HNRNPA0: variants seen among roughly 807,000 people sequenced by gnomAD.
HNRNPA0 encodes the protein hnRNA binding protein.
For synonymous variants in HNRNPA0, 243 were observed against 195.5 expected, an observed-to-expected ratio of 1.24 and a Z score of -2.03; for missense variants, 252 against 433.7, an observed-to-expected ratio of 0.58 and a Z score of 3.72.
rs765071214 is a variant in HNRNPA0 at position 137,754,095 on chromosome 5, T to C, written c.-29A>G. On this transcript the variant is annotated 5_prime_UTR_variant, in exon 1 of 1. Transcript: ENST00000314940. ...CAAGGCCCGGGCCTTGCCCCCGCCC[T>C]GCGAGCTCCGAGGTTTCGCCGTCGC... 4 of 1,578,466 alleles carry C rather than the reference T, an allele frequency of 2.5e-6. No homozygotes were observed. The highest frequency in any genetic ancestry group is 2.3e-5 in the South Asian group (2 of 87,278).
rs1753506191 is a variant in HNRNPA0 at position 137,751,991 on chromosome 5, T to TGCAATTGTCTTAA, written c.*1145_*1157dup. On this transcript the variant is annotated 3_prime_UTR_variant, in exon 1 of 1. Transcript: ENST00000314940. ...TTGATGGCAAAACTTCCAAATCTGATGCAATTGTCTTAAGCAAGTTTTTAA... is the reference window on the plus strand; with the variant it reads ...TTGATGGCAAAACTTCCAAATCTGATGCAATTGTCTTAAGCAATTGTCTTAAGCAAGTTTTTAA... 1 of 152,582 alleles carries TGCAATTGTCTTAA rather than the reference T, an allele frequency of 6.6e-6. No individual in the cohort carries two copies. The highest frequency in any genetic ancestry group is 2.4e-5 in the African/African-American group (1 of 41,422). The allele number at this position is 152,582 out of a possible 1,614,324, so 9.5% of individuals were successfully genotyped here. A position where few individuals can be genotyped will look rare whatever the true frequency, so the allele number is the denominator to read the frequency against.
rs762328386 is a variant in HNRNPA0, at chr5:137,753,392, G to A, written c.675C>T (p.Gly225=). The change falls in exon 1 of 1, where the codon GGC becomes GGT. Residue 225 remains glycine (G), a synonymous_variant. Coordinates refer to ENST00000314940, the MANE Select transcript of HNRNPA0 (RefSeq NM_006805.4). This position sits in a 1 kb window ranked among gnomAD's most constrained non-coding sequence, Gnocchi z 6.1. ...AGGCATTGTAGCCGCCGCCTCCGCCGCCGCCGTAACCACCGTAGCTGTTGT... is the reference window on the plus strand; with the variant it reads ...AGGCATTGTAGCCGCCGCCTCCGCCACCGCCGTAACCACCGTAGCTGTTGT... ...GGYNSYGGYG[G]GGGGGYNAYG... 3.9e-6 allele frequency: 6 copies of A among 1,547,268 alleles called. No homozygotes were observed. Among genetic ancestry groups the A allele is most frequent in the Non-Finnish European group, 5.2e-6 (6 of 1,145,892 alleles).
In HNRNPA0 at chr5:137,752,846, C is replaced by T; in HGVS notation, c.*303G>A. 7.6e-6 allele frequency: 1 copy of T among 132,448 alleles called. No individual in the cohort carries two copies. The highest frequency in any genetic ancestry group is 1.1e-4 in the Admixed American group (1 of 8,790). 8.2% of individuals were successfully genotyped at this position (132,448 alleles called of 1,614,324 possible). On this transcript the variant is annotated 3_prime_UTR_variant, in exon 1 of 1. Coordinates refer to ENST00000314940, the MANE Select transcript of HNRNPA0 (RefSeq NM_006805.4). ...TCCCCCCAAAAAACACAAATTAAAACAAGACATTTTGCTAGTATAAAAACG... is the reference window on the plus strand; with the variant it reads ...TCCCCCCAAAAAACACAAATTAAAATAAGACATTTTGCTAGTATAAAAACG...
In HNRNPA0 at chr5:137,753,521, A is replaced by C. The variant is rs1753549337; in HGVS notation, c.546T>G (p.Gly182=). ...AGGATCGGGAGCCGCCTCCACCCCC[A>C]CCGGAGTAGATATCCTCCTTGGGGA... ...KAVPKEDIYS[G]GGGGGSRSSR... The change falls in exon 1 of 1, where the codon GGT becomes GGG. Residue 182 remains glycine (G), a synonymous_variant. Coordinates refer to ENST00000314940, the MANE Select transcript of HNRNPA0 (RefSeq NM_006805.4). The surrounding 1 kb of genome is among the most constrained non-coding windows in gnomAD (Gnocchi z 6.1). 4 of 1,608,154 alleles carry C rather than the reference A, an allele frequency of 2.5e-6. No homozygotes were observed. Among genetic ancestry groups the C allele is most frequent in the Non-Finnish European group, 8.5e-7 (1 of 1,177,108 alleles).
rs1279145061 is a variant in HNRNPA0 at position 137,749,303 on chromosome 5, C to T, written c.*3846G>A. 6.6e-6 allele frequency: 1 copy of T among 152,114 alleles called. No homozygotes were observed. Among genetic ancestry groups the T allele is most frequent in the Non-Finnish European group, 1.5e-5 (1 of 67,986 alleles). 9.4% of individuals were successfully genotyped at this position (152,114 alleles called of 1,614,324 possible). On this transcript the variant is annotated 3_prime_UTR_variant, in exon 1 of 1. Coordinates refer to ENST00000314940, the MANE Select transcript of HNRNPA0 (RefSeq NM_006805.4). The stretch of plus-strand genomic sequence containing the variant: ...AGAAGGAAACAGTTAAGAATAACTA[C>T]CAAAGGTGTCTTCCTGAATCCTTTC...
chr5:137,753,854 G>C lies in HNRNPA0; in HGVS notation c.213C>G (p.Ala71=), dbSNP rs1484283401. 1.9e-6 allele frequency: 3 copies of C among 1,612,952 alleles called. No individual in the cohort carries two copies. In the South Asian group the frequency reaches 3.3e-5, roughly 18 times the overall value. Reference sequence around the variant, plus strand: ...TCAGCTCCACAGTGTTGCCGTCCACGGCATGGGGCGAGGCGGCCATGGCGG... The same window carrying C: ...TCAGCTCCACAGTGTTGCCGTCCACCGCATGGGGCGAGGCGGCCATGGCGG... ...ADAAMAASPH[A]VDGNTVELKR... Residue 71 remains alanine (A), a synonymous_variant, in exon 1 of 1, where the codon GCC becomes GCG. Transcript: ENST00000314940. This position sits in a 1 kb window ranked among gnomAD's most constrained non-coding sequence, Gnocchi z 6.1.
rs1193672334 is a variant in HNRNPA0 at position 137,750,118 on chromosome 5, TAC to T, written c.*3029_*3030del. 6.6e-6 allele frequency: 1 copy of T among 152,130 alleles called. No homozygotes were observed. Among genetic ancestry groups the T allele is most frequent in the Non-Finnish European group, 1.5e-5 (1 of 68,004 alleles). 9.4% of individuals were successfully genotyped at this position (152,130 alleles called of 1,614,324 possible). A position where few individuals can be genotyped will look rare whatever the true frequency, so the allele number is the denominator to read the frequency against. ...GCTTTTTAAATGACCTGAAAAACAC[TAC>T]AGATATTCCAATCAAAAAATCTAAA... On this transcript the variant is annotated 3_prime_UTR_variant, in exon 1 of 1. Transcript: ENST00000314940.
In HNRNPA0 at chr5:137,753,069, T is replaced by G. The variant is rs1363495995; in HGVS notation, c.*80A>C. On this transcript the variant is annotated 3_prime_UTR_variant, in exon 1 of 1. Coordinates refer to ENST00000314940, the MANE Select transcript of HNRNPA0 (RefSeq NM_006805.4). This position sits in a 1 kb window ranked among gnomAD's most constrained non-coding sequence, Gnocchi z 6.1. ...AGGGAAGGCGGTGTGTGTGAGGGGG[T>G]GGGGCTTAGGAGTTGACCCCACTTG... 12 of 1,433,548 alleles carry G rather than the reference T, an allele frequency of 8.4e-6. No homozygotes were observed. Among genetic ancestry groups the G allele is most frequent in the Non-Finnish European group, 1.9e-6 (2 of 1,052,224 alleles). The allele number at this position is 1,433,548 out of a possible 1,614,324, so 88.8% of individuals were successfully genotyped here.
rs772116706 is a variant in HNRNPA0, at chr5:137,753,311, G to A, written c.756C>T (p.Phe252=). ...SYGGSDYGNG[F]GGFGSYSQHQ... ...GCTGGCTGTAGCTGCCGAAGCCGCC[G>A]AAGCCGTTACCGTAGTCGCTCCCAC... Residue 252 remains phenylalanine, a synonymous_variant, in exon 1 of 1, where the codon TTC becomes TTT. Coordinates refer to ENST00000314940, the MANE Select transcript of HNRNPA0 (RefSeq NM_006805.4). This position sits in a 1 kb window ranked among gnomAD's most constrained non-coding sequence, Gnocchi z 6.1. 3.8e-6 allele frequency: 6 copies of A among 1,568,814 alleles called. No homozygotes were observed. The highest frequency in any genetic ancestry group is 5.2e-6 in the Non-Finnish European group (6 of 1,157,558).
chr5:137,746,055 A>G lies in HNRNPA0; in HGVS notation c.*7094T>C, dbSNP rs1300471282. On this transcript the variant is annotated 3_prime_UTR_variant, in exon 1 of 1. Transcript: ENST00000314940. ...CCATGCAAGTAGGCCACTCTAAAAG[A>G]TACCAGCCTCAGGCCAGATATAACT... is the stretch of plus-strand genomic sequence containing the variant. 6.6e-6 allele frequency: 1 copy of G among 152,208 alleles called. No homozygotes were observed. The highest frequency in any genetic ancestry group is 1.5e-5 in the Non-Finnish European group (1 of 68,054). 9.4% of individuals were successfully genotyped at this position (152,208 alleles called of 1,614,324 possible). A position where few individuals can be genotyped will look rare whatever the true frequency, so the allele number is the denominator to read the frequency against.
In HNRNPA0 at chr5:137,753,680, A is replaced by T; in HGVS notation, c.387T>A (p.Ile129=). 2.5e-6 allele frequency: 4 copies of T among 1,614,004 alleles called. No homozygotes were observed. Among genetic ancestry groups the T allele is most frequent in the Non-Finnish European group, 3.4e-6 (4 of 1,180,030 alleles). ...SQFGTVEKAE[I]IADKQSGKKR... ...TCTTGCCGGACTGCTTGTCGGCAAT[A>T]ATCTCGGCCTTTTCCACGGTGCCAA... The change falls in exon 1 of 1, where the codon ATT becomes ATA. Residue 129 remains isoleucine, a synonymous_variant. Coordinates refer to ENST00000314940, the MANE Select transcript of HNRNPA0 (RefSeq NM_006805.4). The surrounding 1 kb of genome is among the most constrained non-coding windows in gnomAD (Gnocchi z 6.1).
chr5:137,752,939 G>C lies in HNRNPA0; in HGVS notation c.*210C>G, dbSNP rs989234898. ...ACTGTAACACAAAAATGTGTATGTGGGGCCGAGTCCATCTTCAGAGGGAGA... is the reference window on the plus strand; with the variant it reads ...ACTGTAACACAAAAATGTGTATGTGCGGCCGAGTCCATCTTCAGAGGGAGA... On this transcript the variant is annotated 3_prime_UTR_variant, in exon 1 of 1. Transcript: ENST00000314940. The C allele has an allele frequency of 5.7e-6, 3 of 523,230 alleles. No individual in the cohort carries two copies. The East Asian group carries it at 8.7e-5, about 15-fold the overall frequency. 32.4% of individuals were successfully genotyped at this position (523,230 alleles called of 1,614,324 possible).
Position 137,752,360 on chromosome 5 carries a change from T to C in HNRNPA0, c.*789A>G, listed in dbSNP as rs7875. 0.18 allele frequency: 27,254 copies of C among 152,130 alleles called. 2,626 individuals carry two copies. The highest frequency in any genetic ancestry group is 0.21 in the Non-Finnish European group (14,529 of 67,972). The allele number at this position is 152,130 out of a possible 1,614,324, so 9.4% of individuals were successfully genotyped here. A position where few individuals can be genotyped will look rare whatever the true frequency, so the allele number is the denominator to read the frequency against. Reference sequence around the variant, plus strand: ...CCAACCATGTCAAGATGATAAACAATTCGCTTAGTACAAGAGATGGATGCA... The same window carrying C: ...CCAACCATGTCAAGATGATAAACAACTCGCTTAGTACAAGAGATGGATGCA... On this transcript the variant is annotated 3_prime_UTR_variant, in exon 1 of 1. Transcript: ENST00000314940.
At position 137,753,305 on chromosome 5, in the gene HNRNPA0, G is replaced by A. The variant is rs778851492; in HGVS notation, c.762C>T (p.Gly254=). The change falls in exon 1 of 1, where the codon GGC becomes GGT. Residue 254 remains glycine (G), a synonymous_variant. Transcript: ENST00000314940. This position sits in a 1 kb window ranked among gnomAD's most constrained non-coding sequence, Gnocchi z 6.1. The part of the protein sequence containing the change: ...GGSDYGNGFG[G]FGSYSQHQSS... ...ACTGATGCTGGCTGTAGCTGCCGAA[G>A]CCGCCGAAGCCGTTACCGTAGTCGC... 13 of 1,566,220 alleles carry A rather than the reference G, an allele frequency of 8.3e-6. No individual in the cohort carries two copies. The African/African-American group carries it at 1.4e-4, about 16-fold the overall frequency.
At position 137,753,347 on chromosome 5, in the gene HNRNPA0, A is replaced by ACCGCCG. The variant is rs746197268; in HGVS notation, c.714_719dup (p.Gly239_Gly240dup). The ACCGCCG allele has an allele frequency of 7.7e-6, 12 of 1,550,582 alleles. No individual in the cohort carries two copies. In the South Asian group the frequency reaches 9.4e-5, roughly 12 times the overall value. ...CGTAGTCGCTCCCACCGTAGGACGAACCGCCGCCGCCGCCTCCGTAGGCAT... is the reference window on the plus strand; with the variant it reads ...CGTAGTCGCTCCCACCGTAGGACGAACCGCCGCCGCCGCCGCCGCCTCCGTAGGCAT... On this transcript the variant is annotated inframe_insertion, in exon 1 of 1. Coordinates refer to ENST00000314940, the MANE Select transcript of HNRNPA0 (RefSeq NM_006805.4). The surrounding 1 kb of genome is among the most constrained non-coding windows in gnomAD (Gnocchi z 6.1).
Position 137,753,003 on chromosome 5 carries a change from A to C in HNRNPA0, c.*146T>G, listed in dbSNP as rs941332170. On this transcript the variant is annotated 3_prime_UTR_variant, in exon 1 of 1. Transcript: ENST00000314940. The surrounding 1 kb of genome is among the most constrained non-coding windows in gnomAD (Gnocchi z 6.1). ...GCAGGCAAATAGAGGAACACCCCCAAGGGTAAGCAGCCTTAGAAGTGGCTC... is the reference window on the plus strand; with the variant it reads ...GCAGGCAAATAGAGGAACACCCCCACGGGTAAGCAGCCTTAGAAGTGGCTC... 68 of 784,232 alleles carry C rather than the reference A, an allele frequency of 8.7e-5. No individual in the cohort carries two copies. Among genetic ancestry groups the C allele is most frequent in the Non-Finnish European group, 1.3e-4 (63 of 502,152 alleles). 48.6% of individuals were successfully genotyped at this position (784,232 alleles called of 1,614,324 possible).
At position 137,751,503 on chromosome 5, in the gene HNRNPA0, G is replaced by T. The variant is rs1008298750; in HGVS notation, c.*1646C>A. 3.4e-5 allele frequency: 5 copies of T among 146,548 alleles called. No individual in the cohort carries two copies. The highest frequency in any genetic ancestry group is 1.0e-4 in the African/African-American group (4 of 39,144). 9.1% of individuals were successfully genotyped at this position (146,548 alleles called of 1,614,324 possible). Reference sequence around the variant, plus strand: ...TATTTAAGTTAAATATTAACATCAAGTTAAGCATACTAGATTAAAAGGTAC... The same window carrying T: ...TATTTAAGTTAAATATTAACATCAATTTAAGCATACTAGATTAAAAGGTAC... On this transcript the variant is annotated 3_prime_UTR_variant, in exon 1 of 1. Transcript: ENST00000314940.
rs191521887 is a variant in HNRNPA0 at position 137,749,356 on chromosome 5, T to C, written c.*3793A>G. ...TCTCTGAAGGTTCAAATCATCTGGC[T>C]TCAAATCAAAGTAAAAAAAATAGGT... On this transcript the variant is annotated 3_prime_UTR_variant, in exon 1 of 1. Coordinates refer to ENST00000314940, the MANE Select transcript of HNRNPA0 (RefSeq NM_006805.4). The C allele has an allele frequency of 6.6e-6, 1 of 152,252 alleles. No homozygotes were observed. Among genetic ancestry groups the C allele is most frequent in the Non-Finnish European group, 1.5e-5 (1 of 67,986 alleles). 9.4% of individuals were successfully genotyped at this position (152,252 alleles called of 1,614,324 possible).
chr5:137,749,019 C>A lies in HNRNPA0; in HGVS notation c.*4130G>T, dbSNP rs1395856808. 1 of 152,110 alleles carries A rather than the reference C, an allele frequency of 6.6e-6. No individual in the cohort carries two copies. The highest frequency in any genetic ancestry group is 1.5e-5 in the Non-Finnish European group (1 of 68,012). 9.4% of individuals were successfully genotyped at this position (152,110 alleles called of 1,614,324 possible). A position where few individuals can be genotyped will look rare whatever the true frequency, so the allele number is the denominator to read the frequency against. On this transcript the variant is annotated 3_prime_UTR_variant, in exon 1 of 1. Transcript: ENST00000314940. ...AAAATAAATTGAATTCCAACCAGAA[C>A]GCAAGGTATATGAAGACAGCAACCA...
Sources: gnomAD v4.1 joint callset for allele counts on GRCh38, gnomAD v4.1.1 for gene constraint, Gnocchi (gnomAD v3.1) non-coding constraint, MANE v1.5 for transcripts, NCBI Gene and HGNC (gene_info 2026-07-23, HGNC 2026-07-21) for gene names.